IL1RAPL2: variants seen among roughly 807,000 people sequenced by gnomAD.
IL1RAPL2 encodes X-linked interleukin-1 receptor accessory protein-like 2.
Under a neutral mutation model 44.1 loss-of-function variants are expected in IL1RAPL2, and 3 were observed. That is an observed-to-expected ratio of 0.07 (90% CI 0.03 to 0.18). The LOEUF (loss-of-function observed/expected upper bound fraction) is 0.18. Among genes scored for constraint, IL1RAPL2 ranks in the 10% least tolerant of loss-of-function variants. The pLI is 1.00. For missense variants in IL1RAPL2, 391 were observed against 496.4 expected (o/e 0.79, Z 2.02); for synonymous variants, 181 against 178.8 (o/e 1.01, Z -0.10).
chrX:105,520,309 T>A (rs1357162520), intron 6 of IL1RAPL2, among the ~76,000 whole-genome samples: 1 of 112,353 alleles, frequency 8.9e-6, no homozygotes, highest in African/African-American at 3.2e-5. Context: ...TCATTTGCAT[T>A]TTGAGATACA....
chrX:105,496,905 C>T (rs964356006), intron 6 of IL1RAPL2, among the ~76,000 whole-genome samples: 1 of 111,860 alleles, frequency 8.9e-6, no homozygotes, highest in Non-Finnish European at 1.9e-5. Flanking sequence ...CTAATAATAG[C>T]CATTCTCATG....
At chrX:105,517,496 GT>G (rs768492056) in intron 6 of IL1RAPL2, among the ~76,000 whole-genome samples, 125 of 111,175 alleles carry the variant, frequency 1.1e-3, no homozygotes, top group African/African-American at 3.9e-3. Context: ...AATGCTTGCT[GT>G]TTTCTGCACT....
chrX:104,950,160 T>C (rs1411605586), intron 2 of IL1RAPL2, among the ~76,000 whole-genome samples: 1 of 111,978 alleles, frequency 8.9e-6, no homozygotes, highest in Non-Finnish European at 1.9e-5. Flanking sequence ...AATTGATCCC[T>C]TTACCATTAT....
chrX:104,736,978 C>G (rs1932023687), intron 2 of IL1RAPL2, among the ~76,000 whole-genome samples: 1 of 112,368 alleles, frequency 8.9e-6, no homozygotes, highest in South Asian at 3.6e-4. Context: ...ATCAGTACAG[C>G]TAGGCAGTCA....
chrX:104,758,375 A>G (rs1324627824), intron 2 of IL1RAPL2, among the ~76,000 whole-genome samples: 1 of 111,263 alleles, frequency 9.0e-6, no homozygotes, highest in East Asian at 2.8e-4. Flanking sequence ...TTTCTTTTGA[A>G]CATAGAAGCT....
At chrX:105,194,558 G>A (rs934008085) in intron 2 of IL1RAPL2, among the ~76,000 whole-genome samples, 18 of 111,647 alleles carry the variant, frequency 1.6e-4, no homozygotes, top group African/African-American at 5.5e-4. Flanking sequence ...TTTCTTTAAT[G>A]GTAGATTTGC....
At chrX:105,663,171 A>G (rs1317648134) in intron 6 of IL1RAPL2, among the ~76,000 whole-genome samples, 4 of 112,068 alleles carry the variant, frequency 3.6e-5, no homozygotes, top group Non-Finnish European at 7.5e-5. Context: ...ATTTGTAAAA[A>G]CTAGGAGATG....
At chrX:104,720,079 C>G (rs1478719741) in intron 2 of IL1RAPL2, among the ~76,000 whole-genome samples, 6 of 111,745 alleles carry the variant, frequency 5.4e-5, no homozygotes, top group Admixed American at 9.5e-5. Context: ...CAAAAGATCT[C>G]AATCTGAGTC....
At chrX:105,450,777 G>A (rs1308849967) in intron 5 of IL1RAPL2, among the ~76,000 whole-genome samples, 1 of 111,597 alleles carries the variant, frequency 9.0e-6, no homozygotes, top group Non-Finnish European at 1.9e-5. Context: ...ACATACTGGT[G>A]GATTTGATTT....
At chrX:104,590,800 A>G (rs1037398883) in intron 1 of IL1RAPL2, among the ~76,000 whole-genome samples, 4 of 112,016 alleles carry the variant, frequency 3.6e-5, no homozygotes, top group Non-Finnish European at 7.5e-5. Flanking sequence ...TTAGATGACT[A>G]CTTAGGTCCC....
At chrX:105,670,819 T>G (rs1381671203) in intron 6 of IL1RAPL2, among the ~76,000 whole-genome samples, 1 of 108,896 alleles carries the variant, frequency 9.2e-6, no homozygotes, top group Non-Finnish European at 1.9e-5. Flanking sequence ...GATTTACACC[T>G]AAGTACTTTA....
rs138477382 is a variant in IL1RAPL2, at chrX:104,625,035, G to A, written c.-19-33860G>A. On this transcript the variant is annotated intron_variant, in intron 1 of 10. Coordinates refer to ENST00000372582, the MANE Select transcript of IL1RAPL2 (RefSeq NM_017416.2). ...TTGAAAATAAGCAGGCATTACTCTT[G>A]TGTTTAAAATCTATTGGAAAATACT... 3.6e-3 allele frequency among the ~76,000 whole-genome samples: 407 copies of A among 111,780 alleles called. 1 individual carries two copies. Among genetic ancestry groups the A allele is most frequent in the African/African-American group, 0.013 (393 of 30,879 alleles).
intron 2 of IL1RAPL2, among the ~76,000 whole-genome samples, chrX:104,904,225 T>A (rs1023752911): frequency 5.7e-5 from 6 of 104,719 alleles, no homozygotes; most frequent in African/African-American, 1.4e-4. Flanking sequence ...TTATCTTCTT[T>A]TATATATATA....
chrX:105,018,554 A>T (rs1471229909), intron 2 of IL1RAPL2, among the ~76,000 whole-genome samples: 1 of 111,622 alleles, frequency 9.0e-6, no homozygotes, highest in African/African-American at 3.2e-5. Flanking sequence ...AAACCAAACT[A>T]TGCTTATTCC....
intron 2 of IL1RAPL2, among the ~76,000 whole-genome samples, chrX:105,067,871 A>T (rs1355572987): frequency 9.0e-6 from 1 of 111,706 alleles, no homozygotes; most frequent in African/African-American, 3.3e-5. Flanking sequence ...TCTCCTTTCC[A>T]CCTACGCTGG....
At chrX:104,569,548 G>A (rs1194404224) in intron 1 of IL1RAPL2, among the ~76,000 whole-genome samples, 2 of 112,231 alleles carry the variant, frequency 1.8e-5, no homozygotes, top group Non-Finnish European at 3.8e-5. Flanking sequence ...TCTGGAACAT[G>A]TCTCCACAGC....
intron 2 of IL1RAPL2, among the ~76,000 whole-genome samples, chrX:104,959,039 T>C (rs1569351537): frequency 1.8e-5 from 2 of 111,288 alleles, no homozygotes; most frequent in Non-Finnish European, 3.8e-5. Flanking sequence ...AGTCTGTGGA[T>C]GTAGGGAGTT....
At chrX:104,858,895 C>G (rs1335658735) in intron 2 of IL1RAPL2, among the ~76,000 whole-genome samples, 1 of 111,495 alleles carries the variant, frequency 9.0e-6, no homozygotes, top group East Asian at 2.8e-4. Context: ...CATTCTTTAG[C>G]TAGACAGCTG....
intron 2 of IL1RAPL2, among the ~76,000 whole-genome samples, chrX:104,979,432 ATATT>A (rs750899114): frequency 9.0e-5 from 10 of 111,549 alleles, no homozygotes; most frequent in Admixed American, 2.9e-4. Flanking sequence ...CTAGTGGAAA[ATATT>A]AATAAATGTC....
Sources: allele counts gnomAD v4.1 joint callset (sites outside exome capture counted in the v4.1 genomes callset), GRCh38; gene constraint gnomAD v4.1.1; transcripts MANE v1.5; gene names NCBI Gene and HGNC (gene_info 2026-07-23, HGNC 2026-07-21).